The following SLC9A9 variants were observed in gnomAD, a reference collection of about 807,000 sequenced individuals.
SLC9A9 encodes solute carrier family 9 member A9, also known as sodium/hydrogen exchanger 9.
Under a neutral mutation model 77.8 loss-of-function variants are expected in SLC9A9, and 62 were observed. That is an observed-to-expected ratio of 0.80 (90% CI 0.65 to 0.98). The LOEUF is 0.98. Ranked by LOEUF, SLC9A9 falls within the 50% of genes least tolerant of loss-of-function variation. The probability of loss-of-function intolerance (pLI) is 0.00; values close to 1 mark genes in which losing one functional copy is unlikely to be tolerated. For missense variants in SLC9A9, 775 were observed against 774.9 expected, an observed-to-expected ratio of 1.00 and a Z score of 0.00; for synonymous variants, 320 against 283.5, an observed-to-expected ratio of 1.13 and a Z score of -1.29.
intron 9 of SLC9A9, among the ~76,000 whole-genome samples, chr3:143,514,804 A>G (rs1291024341): frequency 8.5e-5 from 13 of 152,182 alleles, no homozygotes. Flanking sequence ...TTTATCCTCT[A>G]TCCAGACCAC....
At chr3:143,716,693 T>C (rs1464806444) in intron 4 of SLC9A9, among the ~76,000 whole-genome samples, 1 of 152,064 alleles carries the variant, frequency 6.6e-6, no homozygotes, top group Admixed American at 6.6e-5. Flanking sequence ...GGACAAAGTA[T>C]TGACACAAAA....
rs768229420 is a variant in SLC9A9, at chr3:143,467,101, C to T, written c.1405G>A (p.Val469Met). 75 of 1,613,954 alleles carry T rather than the reference C, an allele frequency of 4.6e-5. No homozygotes were observed. In the Middle Eastern group the frequency reaches 4.9e-4, roughly 11 times the overall value. The change falls in exon 12 of 16, where the codon GTG (valine) becomes ATG (methionine). Residue 469 changes from valine (V) to methionine (M), a missense_variant. Coordinates refer to ENST00000316549, the MANE Select transcript of SLC9A9 (RefSeq NM_173653.4). ...QMMFTTTLLLVFFTVWVFGGG... is the reference protein window; with the variant it reads ...QMMFTTTLLLMFFTVWVFGGG... The stretch of plus-strand genomic sequence containing the variant: ...CCAAATACCCAGACAGTGAAGAACA[C>T]GAGGAGCAGCGTAGTGGTAAACATC...
chr3:143,574,297 TAAAAG>T, intron 7 of SLC9A9, 104 bp from the exon 8 acceptor site: 1 of 930,066 alleles, frequency 1.1e-6, no homozygotes, highest in Non-Finnish European at 1.7e-6. Flanking sequence ...TAGAGCAAAG[TAAAAG>T]AACTGATATT....
At chr3:143,760,878 T>C (rs2007098190) in intron 4 of SLC9A9, among the ~76,000 whole-genome samples, 1 of 152,080 alleles carries the variant, frequency 6.6e-6, no homozygotes, top group Non-Finnish European at 1.5e-5. Context: ...GAGCCCGCAT[T>C]GCCAAGACAA....
At chr3:143,318,051 C>A (rs1287929518) in intron 14 of SLC9A9, among the ~76,000 whole-genome samples, 1 of 152,198 alleles carries the variant, frequency 6.6e-6, no homozygotes, top group African/African-American at 2.4e-5. Flanking sequence ...CTCTCCCCAT[C>A]CCAATCTGTT....
chr3:143,396,081 C>T (rs1174545676), intron 12 of SLC9A9, among the ~76,000 whole-genome samples: 1 of 152,174 alleles, frequency 6.6e-6, no homozygotes, highest in Non-Finnish European at 1.5e-5. Context: ...CCATTTGACC[C>T]AGCAATCCCA....
At chr3:143,533,158 T>C (rs886822530) in intron 9 of SLC9A9, among the ~76,000 whole-genome samples, 18 of 152,220 alleles carry the variant, frequency 1.2e-4, no homozygotes, top group Admixed American at 3.3e-4. Flanking sequence ...CTGGGCACAT[T>C]TCTAGACACT....
chr3:143,791,765 C>A (rs1054870834), intron 4 of SLC9A9, among the ~76,000 whole-genome samples: 4 of 152,164 alleles, frequency 2.6e-5, no homozygotes, highest in African/African-American at 4.8e-5. Context: ...TCTCCCCCTG[C>A]CCATTTCATG....
chr3:143,513,149 G>A lies in SLC9A9; in HGVS notation c.1090-17701C>T, dbSNP rs184861318. ...TCCTTTTACAAAAGATTTTTCTGTA[G>A]CATGTGATGCTATTTGATAGAATTT... On this transcript the variant is annotated intron_variant, in intron 9 of 15. Coordinates refer to ENST00000316549, the MANE Select transcript of SLC9A9 (RefSeq NM_173653.4). Among the ~76,000 whole-genome samples the A allele has an allele frequency of 2.2e-3, 339 of 152,260 alleles. 1 individual carries two copies. The highest frequency in any genetic ancestry group is 3.4e-3 in the Non-Finnish European group (230 of 68,016).
At chr3:143,470,616 C>T (rs550381554) in intron 11 of SLC9A9, among the ~76,000 whole-genome samples, 1 of 152,216 alleles carries the variant, frequency 6.6e-6, no homozygotes, top group East Asian at 1.9e-4. Flanking sequence ...CAATCAGTTG[C>T]TAAGTATTAA....
At chr3:143,308,547 G>A (rs1047930419) in intron 14 of SLC9A9, among the ~76,000 whole-genome samples, 23 of 151,692 alleles carry the variant, frequency 1.5e-4, no homozygotes, top group Admixed American at 1.2e-3. Context: ...CTGCACTCCA[G>A]CCTGGGCGAC....
chr3:143,623,841 A>C (rs1184342263), intron 6 of SLC9A9, among the ~76,000 whole-genome samples: 1 of 152,294 alleles, frequency 6.6e-6, no homozygotes, highest in Admixed American at 6.5e-5. Context: ...TTTTTTGAAA[A>C]GATCAACAAA....
intron 14 of SLC9A9, among the ~76,000 whole-genome samples, chr3:143,341,955 G>A (rs1436742982): frequency 6.6e-6 from 1 of 152,164 alleles, no homozygotes; most frequent in Non-Finnish European, 1.5e-5. Context: ...TGCAGATGAA[G>A]AGCCCTGAAA....
At chr3:143,360,339 C>T (rs886523897) in intron 14 of SLC9A9, among the ~76,000 whole-genome samples, 2 of 152,198 alleles carry the variant, frequency 1.3e-5, no homozygotes, top group Admixed American at 6.5e-5. Flanking sequence ...TTCTCAATTT[C>T]TTCTTTGTAC....
chr3:143,676,628 T>C (rs1043403893), intron 5 of SLC9A9, among the ~76,000 whole-genome samples: 1 of 152,036 alleles, frequency 6.6e-6, no homozygotes, highest in Non-Finnish European at 1.5e-5. Context: ...TTACAGCTAC[T>C]CGGGAGGCTG....
intron 13 of SLC9A9, among the ~76,000 whole-genome samples, chr3:143,377,117 A>C (rs1411128183): frequency 6.6e-6 from 1 of 152,202 alleles, no homozygotes; most frequent in African/African-American, 2.4e-5. Flanking sequence ...TTATTTAATG[A>C]CCATGATGAC....
intron 14 of SLC9A9, among the ~76,000 whole-genome samples, chr3:143,318,011 G>A (rs536597876): frequency 6.6e-6 from 1 of 152,310 alleles, no homozygotes; most frequent in Non-Finnish European, 1.5e-5. Context: ...ACAGGCCTGA[G>A]CCACCGTGCC....
intron 6 of SLC9A9, among the ~76,000 whole-genome samples, chr3:143,587,900 G>T (rs1035031382): frequency 3.9e-5 from 6 of 152,198 alleles, no homozygotes; most frequent in Admixed American, 1.3e-4. Flanking sequence ...AAGTATGGGA[G>T]TTCAAAGTAT....
intron 6 of SLC9A9, among the ~76,000 whole-genome samples, chr3:143,639,078 G>A (rs1196772299): frequency 6.6e-6 from 1 of 152,186 alleles, no homozygotes; most frequent in Non-Finnish European, 1.5e-5. Context: ...AGGTTTAAGT[G>A]TATTAGAAAG....
Sources: allele counts gnomAD v4.1 joint callset (sites outside exome capture counted in the v4.1 genomes callset), GRCh38; gene constraint gnomAD v4.1.1; transcripts MANE v1.5; gene names NCBI Gene and HGNC (gene_info 2026-07-23, HGNC 2026-07-21).